BEGAIN: variants seen among roughly 807,000 people sequenced by gnomAD.
BEGAIN encodes the protein brain enriched guanylate kinase associated.
Under a neutral mutation model 35.8 loss-of-function variants are expected in BEGAIN, and 19 were observed. The observed-to-expected ratio is 0.53, with a 90% CI of 0.37 to 0.78. The LOEUF is 0.78. Ranked by LOEUF, BEGAIN falls within the 30% of genes least tolerant of loss-of-function variation. The pLI, the probability that BEGAIN is intolerant of heterozygous loss-of-function variation, is 0.00. For synonymous variants in BEGAIN, 462 were observed against 388.6 expected (o/e 1.19, Z -2.22); for missense variants, 795 against 853.6 (o/e 0.93, Z 0.85).
At chr14:100,542,904 G>A (rs2031839186) in intron 5 of BEGAIN, among the ~76,000 whole-genome samples, 1 of 152,204 alleles carries the variant, frequency 6.6e-6, no homozygotes, top group African/African-American at 2.4e-5. Context: ...GCTCCCCACT[G>A]CACTCAGAAT....
chr14:100,556,004 T>G (rs58163905), intron 2 of BEGAIN, among the ~76,000 whole-genome samples: 2,102 of 152,186 alleles, frequency 0.014, 63 homozygotes, highest in African/African-American at 0.044. Flanking sequence ...ACGTGGTGTG[T>G]AGGCCTATGT....
chr14:100,563,552 G>A lies in BEGAIN; in HGVS notation c.71+4359C>T, dbSNP rs76964191. Among the ~76,000 whole-genome samples the A allele has an allele frequency of 1.4e-3, 219 of 152,360 alleles. 1 individual carries two copies. The highest frequency in any genetic ancestry group is 5.0e-3 in the African/African-American group (209 of 41,580). On this transcript the variant is annotated intron_variant, in intron 2 of 6. Transcript: ENST00000554140. The surrounding 1 kb of genome is among the most constrained non-coding windows in gnomAD (Gnocchi z 4.2). ...AAACACCTTGGTAGAAAATGCGCAC[G>A]GCCTTCGCCGGTGAGGAAACCCAGC... is the stretch of plus-strand genomic sequence containing the variant.
chr14:100,543,736 G>A (rs2031977079), intron 5 of BEGAIN, 122 bp downstream of exon 5: 4 of 758,144 alleles, frequency 5.3e-6, no homozygotes, highest in South Asian at 1.7e-5. Flanking sequence ...CCTTGAGGCT[G>A]GGGCCAAAGC....
Position 100,538,757 on chromosome 14 carries a change from C to T in BEGAIN, c.1051G>A (p.Glu351Lys), listed in dbSNP as rs2031039950. The part of the protein sequence containing the change: ...QQAIYLNSRD[E>K]LFDRKPPATT... ...GCGGGTGGCTTGCGGTCGAAGAGCT[C>T]GTCGCGGCTGTTCAGGTAGATGGCC... Residue 351 changes from glutamate to lysine, a missense_variant, in exon 7 of 7, where the codon GAG becomes AAG. Glu to Lys is a moderately conservative substitution (Grantham distance 56, BLOSUM62 1). This residue lies in a region of BEGAIN where 664 missense variants were observed against 647.7 expected (regional missense o/e 1.03). Coordinates refer to ENST00000554140, the MANE Select transcript of BEGAIN (RefSeq NM_001385089.1). The T allele has an allele frequency of 1.0e-5, 16 of 1,578,088 alleles. No individual in the cohort carries two copies. Among genetic ancestry groups the T allele is most frequent in the East Asian group, 2.3e-5 (1 of 43,004 alleles).
At chr14:100,540,423 T>C (rs1179905117) in intron 6 of BEGAIN, 73 bp downstream of exon 6, 2 of 1,158,796 alleles carry the variant, frequency 1.7e-6, no homozygotes, top group Admixed American at 2.1e-5. Flanking sequence ...GGAAATGGCT[T>C]TGGGGTAGCA....
In BEGAIN at chr14:100,564,561, A is replaced by G. The variant is rs557488307; in HGVS notation, c.71+3350T>C. On this transcript the variant is annotated intron_variant, in intron 2 of 6. Coordinates refer to ENST00000554140, the MANE Select transcript of BEGAIN (RefSeq NM_001385089.1). ...CCGGGACTTGGTAATATCTATAAAT[A>G]TTTGAGAGTCACAAGAATAGTTTTT... Among the ~76,000 whole-genome samples the G allele has an allele frequency of 5.3e-5, 8 of 152,310 alleles. No homozygotes were observed. The South Asian group carries it at 1.5e-3, about 28-fold the overall frequency.
In BEGAIN at chr14:100,571,020, G is replaced by A. The variant is rs111311069; in HGVS notation, c.43-3081C>T. Among the ~76,000 whole-genome samples the A allele has an allele frequency of 3.7e-4, 56 of 152,194 alleles. 1 individual carries two copies. Among genetic ancestry groups the A allele is most frequent in the African/African-American group, 1.3e-3 (54 of 41,532 alleles). On this transcript the variant is annotated intron_variant, in intron 1 of 6. Transcript: ENST00000554140. ...GGTTCCCACTGTGAAGTGAGGGGGC[G>A]GGATCTCCCTTAGGGAGGCTGGGAC...
At chr14:100,565,862 C>G (rs1283769243) in intron 2 of BEGAIN, among the ~76,000 whole-genome samples, 2 of 152,216 alleles carry the variant, frequency 1.3e-5, no homozygotes, top group African/African-American at 4.8e-5. Context: ...CAACCAGGGC[C>G]AGGACTTTGT....
At chr14:100,550,409 A>G in intron 2 of BEGAIN, 2 of 399,062 alleles carry the variant, frequency 5.0e-6, no homozygotes, top group Non-Finnish European at 4.4e-6. Context: ...GGGAGACAAC[A>G]GGTATGTTAC....
intron 2 of BEGAIN, chr14:100,547,821 A>T (rs2140541881): frequency 6.6e-6 from 1 of 152,308 alleles, no homozygotes; most frequent in African/African-American, 2.4e-5. Context: ...CGTTCTTGTG[A>T]TATTCCCGAC....
chr14:100,575,428 T>C (rs1458949906), intron 1 of BEGAIN, among the ~76,000 whole-genome samples: 1 of 152,182 alleles, frequency 6.6e-6, no homozygotes, highest in East Asian at 1.9e-4. Flanking sequence ...TTATCTCTAA[T>C]GTCCCCATGG....
chr14:100,580,813 G>A (rs1476874642), intron 1 of BEGAIN, among the ~76,000 whole-genome samples: 2 of 152,212 alleles, frequency 1.3e-5, no homozygotes, highest in Non-Finnish European at 2.9e-5. Flanking sequence ...TTGAATGACT[G>A]ACTGAATGAA....
rs1235815505 is a variant in BEGAIN at position 100,585,456 on chromosome 14, CCATT to C, written c.42+1789_42+1792del. On this transcript the variant is annotated intron_variant, in intron 1 of 6. Coordinates refer to ENST00000554140, the MANE Select transcript of BEGAIN (RefSeq NM_001385089.1). ...TCCATCCATCCATCCATCCATCCAT[CCATT>C]CATCCATCCATCCACTCTTCAGCAT... is the stretch of plus-strand genomic sequence containing the variant. 1.5e-4 allele frequency among the ~76,000 whole-genome samples: 20 copies of C among 132,302 alleles called. No individual in the cohort carries two copies. The East Asian group carries it at 1.8e-3, about 12-fold the overall frequency. 86.8% of individuals were successfully genotyped at this position (132,302 alleles called of 152,430 possible).
intron 1 of BEGAIN, among the ~76,000 whole-genome samples, chr14:100,585,790 G>C (rs759378733): frequency 6.6e-6 from 1 of 152,098 alleles, no homozygotes; most frequent in Non-Finnish European, 1.5e-5. Context: ...TCCCAGGTGC[G>C]AACAGCTCCA....
At position 100,568,020 on chromosome 14, in the gene BEGAIN, G is replaced by C; in HGVS notation, c.43-81C>G. On this transcript the variant is annotated intron_variant, in intron 1 of 6. Coordinates refer to ENST00000554140, the MANE Select transcript of BEGAIN (RefSeq NM_001385089.1). This position sits in a 1 kb window ranked among gnomAD's most constrained non-coding sequence, Gnocchi z 7.5. ...CGCCGGGCAGAGCCGGGCACAGCGG[G>C]CACGGCCGGGCAACCCCGCGGGGCC... is the stretch of plus-strand genomic sequence containing the variant. 8.1e-7 allele frequency: 1 copy of C among 1,241,868 alleles called. No homozygotes were observed. Among genetic ancestry groups the C allele is most frequent in the Non-Finnish European group, 1.0e-6 (1 of 981,096 alleles). 76.9% of individuals were successfully genotyped at this position (1,241,868 alleles called of 1,614,324 possible).
rs2035458666 is a variant in BEGAIN, at chr14:100,586,999, C to T, written c.42+250G>A. On this transcript the variant is annotated intron_variant, in intron 1 of 6. Transcript: ENST00000554140. The surrounding 1 kb of genome is among the most constrained non-coding windows in gnomAD (Gnocchi z 4.9). ...GGCGCAAGGACCCCGCGATAGGACC[C>T]GGGCGCTCCCGGCGGCGCGCGGAGG... 6.6e-6 allele frequency among the ~76,000 whole-genome samples: 1 copy of T among 151,856 alleles called. No homozygotes were observed. The highest frequency in any genetic ancestry group is 2.1e-4 in the South Asian group (1 of 4,824).
Position 100,569,000 on chromosome 14 carries a change from C to A in BEGAIN, c.43-1061G>T. 1.1e-6 allele frequency: 1 copy of A among 940,666 alleles called. No homozygotes were observed. Among genetic ancestry groups the A allele is most frequent in the Non-Finnish European group, 1.3e-6 (1 of 790,192 alleles). 58.3% of individuals were successfully genotyped at this position (940,666 alleles called of 1,614,324 possible). A position where few individuals can be genotyped will look rare whatever the true frequency, so the allele number is the denominator to read the frequency against. ...CTCGGGTCCGGGCCCCACGCCGCCT[C>A]CCCCACCGCCCCGCCGGGCGAGGGC... On this transcript the variant is annotated intron_variant, in intron 1 of 6. Coordinates refer to ENST00000554140, the MANE Select transcript of BEGAIN (RefSeq NM_001385089.1). This position sits in a 1 kb window ranked among gnomAD's most constrained non-coding sequence, Gnocchi z 7.5.
intron 1 of BEGAIN, among the ~76,000 whole-genome samples, chr14:100,578,953 C>A (rs565175575): frequency 6.6e-6 from 1 of 151,928 alleles, no homozygotes; most frequent in African/African-American, 2.4e-5. Flanking sequence ...CTTCCGCTCC[C>A]AGATTCAAGC....
rs1275342576 is a variant in BEGAIN, at chr14:100,563,333, C to A, written c.71+4578G>T. Reference sequence around the variant, plus strand: ...TGAAAAGCCAATAGCCTCAGTTCTTCAGGAGGGTTCCTTAAACAAGACACA... The same window carrying A: ...TGAAAAGCCAATAGCCTCAGTTCTTAAGGAGGGTTCCTTAAACAAGACACA... On this transcript the variant is annotated intron_variant, in intron 2 of 6. Coordinates refer to ENST00000554140, the MANE Select transcript of BEGAIN (RefSeq NM_001385089.1). This position sits in a 1 kb window ranked among gnomAD's most constrained non-coding sequence, Gnocchi z 4.2. Among the ~76,000 whole-genome samples, 6 of 152,364 alleles carry A rather than the reference C, an allele frequency of 3.9e-5. 1 individual carries two copies. The highest frequency in any genetic ancestry group is 1.4e-4 in the African/African-American group (6 of 41,580).
Sources: gnomAD v4.1 joint callset for allele counts (sites outside exome capture counted in the v4.1 genomes callset) on GRCh38, gnomAD v4.1.1 for gene constraint, gnomAD v4.1.1 regional missense constraint, Gnocchi (gnomAD v3.1) non-coding constraint, MANE v1.5 for transcripts, NCBI Gene and HGNC (gene_info 2026-07-23, HGNC 2026-07-21) for gene names.